SNTB1: variants seen among roughly 807,000 people sequenced by gnomAD.
The protein encoded by SNTB1 is syntrophin beta 1.
SNTB1 carries 36 observed loss-of-function variants against 48.9 expected under a neutral mutation model. That is an observed-to-expected ratio of 0.74 (90% confidence interval 0.56 to 0.97). SNTB1 has a LOEUF of 0.97. Among genes scored for constraint, SNTB1 ranks in the 50% least tolerant of loss-of-function variants. The pLI, the probability that SNTB1 is intolerant of heterozygous loss-of-function variation, is 0.00. For missense variants in SNTB1, 786 were observed against 703.4 expected (o/e 1.12, Z -1.33); for synonymous variants, 299 against 294.6 (o/e 1.01, Z -0.15).
chr8:120,631,293 T>A (rs2130752479), intron 3 of SNTB1, among the ~76,000 whole-genome samples: 1 of 152,322 alleles, frequency 6.6e-6, no homozygotes, highest in East Asian at 1.9e-4. Context: ...GTGTTTATTA[T>A]GAATTTGGAT....
At chr8:120,784,027 T>C (rs796424005) in intron 1 of SNTB1, among the ~76,000 whole-genome samples, 27 of 152,254 alleles carry the variant, frequency 1.8e-4, no homozygotes, top group African/African-American at 6.3e-4. Context: ...AGAGTCTTGC[T>C]CTGTTGCCCA....
Position 120,811,447 on chromosome 8 carries a change from TCTC to T in SNTB1, c.394_396del (p.Glu132del), listed in dbSNP as rs1189698351. On this transcript the variant is annotated inframe_deletion, in exon 1 of 7. Coordinates refer to ENST00000517992, the MANE Select transcript of SNTB1 (RefSeq NM_021021.4). ...TTGCTGATGAGGATGGGCATCTTGT[TCTC>T]CTTGCCCCCCTTGATGCTGATCCCC... The T allele has an allele frequency of 6.2e-7, 1 of 1,613,842 alleles. No homozygotes were observed.
intron 2 of SNTB1, among the ~76,000 whole-genome samples, chr8:120,654,602 A>G (rs925387582): frequency 6.6e-6 from 1 of 152,106 alleles, no homozygotes; most frequent in African/African-American, 2.4e-5. Context: ...CTCACTCTCG[A>G]TGTCTGCCAA....
chr8:120,583,069 G>C (rs1046235206), intron 3 of SNTB1, among the ~76,000 whole-genome samples: 9 of 152,090 alleles, frequency 5.9e-5, no homozygotes, highest in Non-Finnish European at 8.8e-5. Flanking sequence ...AGGTGTTTCA[G>C]AACAGCCTGG....
chr8:120,611,461 T>G (rs1816620445), intron 3 of SNTB1, among the ~76,000 whole-genome samples: 1 of 152,006 alleles, frequency 6.6e-6, no homozygotes, highest in Non-Finnish European at 1.5e-5. Context: ...TGAAGAAAAT[T>G]AAGTTGGAGA....
intron 2 of SNTB1, among the ~76,000 whole-genome samples, chr8:120,675,240 G>A (rs1012405161): frequency 6.6e-5 from 10 of 152,068 alleles, no homozygotes; most frequent in African/African-American, 2.4e-4. Flanking sequence ...TATAAAGTGA[G>A]GAAGAGAAAG....
chr8:120,697,228 A>G (rs1317453677), intron 1 of SNTB1, among the ~76,000 whole-genome samples: 1 of 152,242 alleles, frequency 6.6e-6, no homozygotes, highest in Non-Finnish European at 1.5e-5. Flanking sequence ...GCACTAGGGG[A>G]ATTTCCAAAG....
intron 2 of SNTB1, among the ~76,000 whole-genome samples, chr8:120,670,352 G>A (rs771746401): frequency 5.9e-5 from 9 of 152,106 alleles, no homozygotes; most frequent in Non-Finnish European, 8.8e-5. Flanking sequence ...TAATACCTTC[G>A]TCTTCATACG....
intron 1 of SNTB1, among the ~76,000 whole-genome samples, chr8:120,754,279 G>A (rs1819275473): frequency 6.6e-6 from 1 of 152,080 alleles, no homozygotes; most frequent in African/African-American, 2.4e-5. Flanking sequence ...GATTGCTTGA[G>A]TCCAGGAGTT....
intron 1 of SNTB1, among the ~76,000 whole-genome samples, chr8:120,729,138 C>A (rs1462656044): frequency 2.0e-5 from 3 of 152,030 alleles, no homozygotes; most frequent in Non-Finnish European, 2.9e-5. Context: ...GCCATTAGGC[C>A]CGGCTAATTT....
intron 2 of SNTB1, among the ~76,000 whole-genome samples, chr8:120,640,401 A>T (rs1435415507): frequency 6.6e-6 from 1 of 152,180 alleles, no homozygotes; most frequent in African/African-American, 2.4e-5. Context: ...CCTGGCCAGA[A>T]GTTCCAACAC....
intron 1 of SNTB1, among the ~76,000 whole-genome samples, chr8:120,761,644 A>G (rs1377866223): frequency 6.6e-6 from 1 of 152,236 alleles, no homozygotes. Flanking sequence ...ACCCAAATGT[A>G]TCAAGTATTT....
chr8:120,602,041 A>G (rs2130720057), intron 3 of SNTB1, among the ~76,000 whole-genome samples: 1 of 152,364 alleles, frequency 6.6e-6, no homozygotes, highest in South Asian at 2.1e-4. Context: ...ACTTGATTAA[A>G]TTTCATTTAG....
At chr8:120,758,448 A>G (rs1724247950) in intron 1 of SNTB1, among the ~76,000 whole-genome samples, 1 of 152,090 alleles carries the variant, frequency 6.6e-6, no homozygotes, top group South Asian at 2.1e-4. Context: ...TCAAATCTAT[A>G]CTCTGTGAGA....
At chr8:120,583,514 AACAC>A (rs10524445) in intron 3 of SNTB1, among the ~76,000 whole-genome samples, 4,316 of 143,064 alleles carry the variant, frequency 0.03, 93 homozygotes, top group African/African-American at 0.044. Context: ...TCCGTCTCAA[AACAC>A]ACACACACAC....
intron 3 of SNTB1, among the ~76,000 whole-genome samples, chr8:120,591,129 G>A (rs759058422): frequency 1.3e-5 from 2 of 152,166 alleles, no homozygotes; most frequent in Non-Finnish European, 2.9e-5. Flanking sequence ...AGTCAGCATC[G>A]TGGATTCTCA....
chr8:120,573,814 A>G (rs1223511583), intron 4 of SNTB1, among the ~76,000 whole-genome samples: 1 of 152,084 alleles, frequency 6.6e-6, no homozygotes, highest in Non-Finnish European at 1.5e-5. Context: ...TATTCTTGGC[A>G]CCCTTGTCAA....
intron 1 of SNTB1, among the ~76,000 whole-genome samples, chr8:120,707,705 C>A: frequency 6.6e-6 from 1 of 152,076 alleles, no homozygotes; most frequent in African/African-American, 2.4e-5. Flanking sequence ...TATCTTACTG[C>A]AATAGATATT....
At chr8:120,651,838 T>C (rs1036324543) in intron 2 of SNTB1, among the ~76,000 whole-genome samples, 1 of 152,026 alleles carries the variant, frequency 6.6e-6, no homozygotes, top group Non-Finnish European at 1.5e-5. Context: ...GAGCCAAAAA[T>C]ACCTAACAGA....
Sources: gnomAD v4.1 joint callset for allele counts (sites outside exome capture counted in the v4.1 genomes callset) on GRCh38, gnomAD v4.1.1 for gene constraint, MANE v1.5 for transcripts, NCBI Gene and HGNC (gene_info 2026-07-23, HGNC 2026-07-21) for gene names.